Variants in NFIL3 observed in about 807,000 individuals in gnomAD.
NFIL3 encodes the protein nuclear factor, interleukin 3 regulated.
A neutral mutation model predicts 10.0 loss-of-function variants in NFIL3; 5 were observed. That is an observed-to-expected ratio of 0.50 (90% CI 0.26 to 1.06). NFIL3 has a LOEUF of 1.06. Among genes scored for constraint, NFIL3 ranks in the 50% least tolerant of loss-of-function variants. The pLI is 0.13. For missense variants in NFIL3, 436 were observed against 547.6 expected (o/e 0.80, Z 2.03); for synonymous variants, 202 against 206.5 (o/e 0.98, Z 0.19).
the NFIL3 span, among the ~76,000 whole-genome samples, chr9:91,459,495 T>C: frequency 6.6e-6 from 1 of 152,142 alleles, no homozygotes; most frequent in Non-Finnish European, 1.5e-5. Flanking sequence ...GGCAACATAG[T>C]GAGACCCTGT....
chr9:91,445,175 C>G, the NFIL3 span, among the ~76,000 whole-genome samples: 3 of 152,142 alleles, frequency 2.0e-5, no homozygotes, highest in African/African-American at 7.2e-5. Flanking sequence ...AGAAGGGGTA[C>G]TCTGAGGGTT....
the NFIL3 span, among the ~76,000 whole-genome samples, chr9:91,469,267 T>C: frequency 6.6e-6 from 1 of 152,202 alleles, no homozygotes; most frequent in African/African-American, 2.4e-5. Context: ...GTTGGATTCC[T>C]AGGTATTTTA....
At chr9:91,470,791 A>C in the NFIL3 span, among the ~76,000 whole-genome samples, 2 of 152,102 alleles carry the variant, frequency 1.3e-5, no homozygotes, top group Admixed American at 6.6e-5. Flanking sequence ...AGTAGTCATT[A>C]AGGAGCAGGT....
the NFIL3 span, among the ~76,000 whole-genome samples, chr9:91,456,616 G>A: frequency 9.9e-5 from 15 of 151,770 alleles, no homozygotes; most frequent in South Asian, 4.2e-4. Flanking sequence ...TCAGATTGAC[G>A]GTTTGCAATA....
At chr9:91,450,712 T>G in the NFIL3 span, among the ~76,000 whole-genome samples, 63,874 of 152,072 alleles carry the variant, frequency 0.42, 17,374 homozygotes, top group African/African-American at 0.77. Flanking sequence ...GTATGTATGT[T>G]AGGTCTAGTT....
the NFIL3 span, among the ~76,000 whole-genome samples, chr9:91,459,039 C>T: frequency 2.0e-5 from 3 of 152,172 alleles, no homozygotes; most frequent in East Asian, 3.9e-4. Context: ...CTAAGTGTTT[C>T]GTTTGCATAA....
chr9:91,434,210 A>G, the NFIL3 span, among the ~76,000 whole-genome samples: 1 of 152,316 alleles, frequency 6.6e-6, no homozygotes, highest in South Asian at 2.1e-4. Flanking sequence ...AGACCAGGAG[A>G]TTGAGACCAG....
chr9:91,463,453 A>T, the NFIL3 span, among the ~76,000 whole-genome samples: 1 of 151,744 alleles, frequency 6.6e-6, no homozygotes, highest in Non-Finnish European at 1.5e-5. Context: ...TTTTATCTTG[A>T]GACTTCTTTG....
At chr9:91,416,334 C>T (rs1833656714) in intron 1 of NFIL3, among the ~76,000 whole-genome samples, 1 of 152,076 alleles carries the variant, frequency 6.6e-6, no homozygotes. Context: ...TTATGCCCCT[C>T]AACAATGAAC....
the NFIL3 span, among the ~76,000 whole-genome samples, chr9:91,479,583 C>A: frequency 6.6e-6 from 1 of 152,196 alleles, no homozygotes; most frequent in South Asian, 2.1e-4. Flanking sequence ...TTGCTGGGCT[C>A]TGTGGGGGTG....
intron 1 of NFIL3, among the ~76,000 whole-genome samples, chr9:91,420,263 T>C (rs1312659537): frequency 6.6e-6 from 1 of 151,778 alleles, no homozygotes; most frequent in Non-Finnish European, 1.5e-5. Flanking sequence ...ACAAAAAAAG[T>C]ATCTCAAGAA....
chr9:91,483,328 A>G, the NFIL3 span, among the ~76,000 whole-genome samples: 1 of 152,206 alleles, frequency 6.6e-6, no homozygotes, highest in Admixed American at 6.5e-5. Context: ...AGAATCTGGG[A>G]AACTAGCATA....
chr9:91,483,317 T>C, the NFIL3 span, among the ~76,000 whole-genome samples: 10 of 152,058 alleles, frequency 6.6e-5, no homozygotes, highest in African/African-American at 1.4e-4. Context: ...AGGATGAAAA[T>C]AGAATCTGGG....
chr9:91,449,384 C>G, the NFIL3 span, among the ~76,000 whole-genome samples: 4,585 of 152,138 alleles, frequency 0.03, 97 homozygotes, highest in East Asian at 0.092. Context: ...CCTCCTCTAC[C>G]TAGTTTTCTG....
the NFIL3 span, among the ~76,000 whole-genome samples, chr9:91,480,930 G>A: frequency 1.3e-5 from 2 of 152,308 alleles, no homozygotes; most frequent in Admixed American, 6.5e-5. Flanking sequence ...GGATGGGACA[G>A]CTGACAGCGG....
the NFIL3 span, among the ~76,000 whole-genome samples, chr9:91,468,545 G>C: frequency 0.13 from 19,372 of 152,048 alleles, 1,296 homozygotes; most frequent in Middle Eastern, 0.19. Flanking sequence ...ACTTTAATTA[G>C]ATCCCATTTA....
the NFIL3 span, among the ~76,000 whole-genome samples, chr9:91,444,704 C>T: frequency 6.6e-6 from 1 of 152,056 alleles, no homozygotes. Context: ...CTGTGATGAA[C>T]ATCAGCAATG....
In NFIL3 at chr9:91,409,334, C is replaced by G; in HGVS notation, c.*12G>C. On this transcript the variant is annotated 3_prime_UTR_variant, in exon 2 of 2. Transcript: ENST00000297689. ...CATCTTTCTAAATGCCCAGCTCTTA[C>G]TCAGTAGTAATTTACCCAGAGTCTG... The G allele has an allele frequency of 6.5e-7, 1 of 1,539,222 alleles. No homozygotes were observed. The highest frequency in any genetic ancestry group is 8.7e-7 in the Non-Finnish European group (1 of 1,146,182).
At chr9:91,412,291 C>A (rs989448609) in intron 1 of NFIL3, among the ~76,000 whole-genome samples, 2 of 151,914 alleles carry the variant, frequency 1.3e-5, no homozygotes, top group Admixed American at 6.6e-5. Context: ...AAAATAGAAT[C>A]ATTCATTAGT....
Sources: gnomAD v4.1 joint callset for allele counts (sites outside exome capture counted in the v4.1 genomes callset) on GRCh38, gnomAD v4.1.1 for gene constraint, MANE v1.5 for transcripts, NCBI Gene and HGNC (gene_info 2026-07-23, HGNC 2026-07-21) for gene names.